Variants in NXPH1 observed in about 807,000 individuals in gnomAD.
NXPH1 encodes the protein neurexophilin 1, also known as neurexophilin-1.
A neutral mutation model predicts 23.7 loss-of-function variants in NXPH1; 5 were observed. That is an observed-to-expected ratio of 0.21 (90% CI 0.11 to 0.44). The LOEUF is 0.44. NXPH1 is among the 20% of genes least tolerant of loss of function. The probability of loss-of-function intolerance (pLI) is 0.99; values close to 1 mark genes in which losing one functional copy is unlikely to be tolerated. For missense variants in NXPH1, 324 were observed against 321.6 expected, an observed-to-expected ratio of 1.01 and a Z score of -0.06; for synonymous variants, 144 against 122.2, an observed-to-expected ratio of 1.18 and a Z score of -1.18.
chr7:8,699,556 C>G (rs1028730397), intron 2 of NXPH1, among the ~76,000 whole-genome samples: 1 of 152,108 alleles, frequency 6.6e-6, no homozygotes, highest in South Asian at 2.1e-4. Context: ...CATTGTCCAA[C>G]TATCACCAAA....
intron 2 of NXPH1, among the ~76,000 whole-genome samples, chr7:8,727,256 G>T (rs998262632): frequency 8.3e-6 from 1 of 120,310 alleles, no homozygotes; most frequent in Non-Finnish European, 1.6e-5. Flanking sequence ...CAGATGAGTA[G>T]GTTGCGAAAA....
At chr7:8,683,814 A>G (rs1262537541) in intron 2 of NXPH1, among the ~76,000 whole-genome samples, 1 of 152,176 alleles carries the variant, frequency 6.6e-6, no homozygotes, top group Non-Finnish European at 1.5e-5. Context: ...GCTTAATATG[A>G]AAAATATACC....
chr7:8,635,392 C>G (rs1012624155), intron 2 of NXPH1, among the ~76,000 whole-genome samples: 3 of 152,164 alleles, frequency 2.0e-5, no homozygotes, highest in African/African-American at 7.2e-5. Flanking sequence ...AGTTTCTTTT[C>G]CTACCTTTCT....
chr7:8,479,470 G>A (rs1251230464), intron 2 of NXPH1, among the ~76,000 whole-genome samples: 2 of 152,110 alleles, frequency 1.3e-5, no homozygotes, highest in African/African-American at 4.8e-5. Flanking sequence ...GGAAGTAAGA[G>A]TATGAACTCA....
intron 2 of NXPH1, among the ~76,000 whole-genome samples, chr7:8,737,037 A>C (rs1780270651): frequency 6.6e-6 from 1 of 152,124 alleles, no homozygotes; most frequent in Non-Finnish European, 1.5e-5. Context: ...TTTGCATGTC[A>C]GATGGGTCTC....
intron 2 of NXPH1, among the ~76,000 whole-genome samples, chr7:8,436,580 C>T (rs570229779): frequency 2.6e-5 from 4 of 152,050 alleles, no homozygotes; most frequent in African/African-American, 9.7e-5. Flanking sequence ...CTGTTTGTGC[C>T]ATGTTGAGAC....
chr7:8,455,762 A>G (rs1816583848), intron 2 of NXPH1, among the ~76,000 whole-genome samples: 1 of 152,222 alleles, frequency 6.6e-6, no homozygotes, highest in South Asian at 2.1e-4. Flanking sequence ...GTTTCAGCCA[A>G]TATTCAATAT....
chr7:8,473,871 T>G (rs1816915647), intron 2 of NXPH1, among the ~76,000 whole-genome samples: 1 of 152,114 alleles, frequency 6.6e-6, no homozygotes, highest in Non-Finnish European at 1.5e-5. Context: ...CGGTTTCAGC[T>G]TGGGCAGGAT....
intron 2 of NXPH1, among the ~76,000 whole-genome samples, chr7:8,720,943 A>T (rs1349647169): frequency 1.3e-5 from 2 of 152,238 alleles, no homozygotes; most frequent in Non-Finnish European, 2.9e-5. Flanking sequence ...CCAGAAATAG[A>T]AGGGAAATAA....
chr7:8,511,377 T>G (rs1463579007), intron 2 of NXPH1, among the ~76,000 whole-genome samples: 2 of 152,128 alleles, frequency 1.3e-5, no homozygotes, highest in Non-Finnish European at 2.9e-5. Flanking sequence ...ATGTGGAACC[T>G]GTCCTGCCTA....
intron 2 of NXPH1, among the ~76,000 whole-genome samples, chr7:8,527,519 A>C (rs1584213063): frequency 6.6e-6 from 1 of 152,314 alleles, no homozygotes; most frequent in African/African-American, 2.4e-5. Context: ...AGAGGGGTCA[A>C]GTTAGATCCA....
intron 2 of NXPH1, among the ~76,000 whole-genome samples, chr7:8,447,993 G>C (rs571761895): frequency 6.6e-6 from 1 of 152,318 alleles, no homozygotes; most frequent in African/African-American, 2.4e-5. Context: ...GGCCATAACA[G>C]AGAGCAAACA....
chr7:8,570,836 T>C (rs1403435213), intron 2 of NXPH1, among the ~76,000 whole-genome samples: 1 of 151,768 alleles, frequency 6.6e-6, no homozygotes, highest in Non-Finnish European at 1.5e-5. Flanking sequence ...GGGTGGTTTA[T>C]ATTTTGATAA....
intron 2 of NXPH1, among the ~76,000 whole-genome samples, chr7:8,554,365 TG>T (rs1320068866): frequency 6.6e-6 from 1 of 151,378 alleles, no homozygotes; most frequent in East Asian, 2.0e-4. Flanking sequence ...GACCATATGG[TG>T]GGAGATTGAC....
chr7:8,583,455 T>C (rs1476433047), intron 2 of NXPH1, among the ~76,000 whole-genome samples: 1 of 152,222 alleles, frequency 6.6e-6, no homozygotes, highest in African/African-American at 2.4e-5. Context: ...ATGTGAATTT[T>C]AAGTGAAGTA....
intron 2 of NXPH1, among the ~76,000 whole-genome samples, chr7:8,626,497 G>A (rs1255356026): frequency 1.3e-5 from 2 of 151,738 alleles, no homozygotes; most frequent in Non-Finnish European, 2.9e-5. Context: ...TGCCATGAGG[G>A]ACTCCTTTCC....
At chr7:8,569,592 G>A (rs1818610007) in intron 2 of NXPH1, among the ~76,000 whole-genome samples, 1 of 151,882 alleles carries the variant, frequency 6.6e-6, no homozygotes, top group African/African-American at 2.4e-5. Context: ...ATGGCAAGTT[G>A]TAATTAATTT....
chr7:8,669,549 G>T (rs968307857), intron 2 of NXPH1, among the ~76,000 whole-genome samples: 1 of 152,024 alleles, frequency 6.6e-6, no homozygotes, highest in African/African-American at 2.4e-5. Flanking sequence ...GGAGCATGTG[G>T]GCTTGCCCAG....
At chr7:8,542,789 CAAAAATTA>C (rs1407695973) in intron 2 of NXPH1, among the ~76,000 whole-genome samples, 37 of 151,496 alleles carry the variant, frequency 2.4e-4, no homozygotes, top group African/African-American at 8.9e-4. Flanking sequence ...TTAGATTATG[CAAAAATTA>C]CCAATATAGG....
Sources: allele counts gnomAD v4.1 joint callset (sites outside exome capture counted in the v4.1 genomes callset), GRCh38; gene constraint gnomAD v4.1.1; transcripts MANE v1.5; gene names NCBI Gene and HGNC (gene_info 2026-07-23, HGNC 2026-07-21).